The following SLX4IP variants were observed in gnomAD, a reference collection of about 807,000 sequenced individuals.
SLX4IP encodes SLX4 interacting protein.
SLX4IP carries 34 observed loss-of-function variants against 32.9 expected under a neutral mutation model. The ratio of observed to expected loss-of-function variants is 1.03; its 90% CI spans 0.79 to 1.38. SLX4IP has a LOEUF of 1.38. Among genes scored for constraint, SLX4IP ranks in the 40% most tolerant of loss-of-function variants. The pLI is 0.00. For synonymous variants in SLX4IP, 172 were observed against 171.7 expected (o/e 1.00, Z -0.01); for missense variants, 444 against 479.0 (o/e 0.93, Z 0.68).
intron 6 of SLX4IP, among the ~76,000 whole-genome samples, chr20:10,609,213 A>G (rs1046860643): frequency 6.6e-6 from 1 of 152,228 alleles, no homozygotes; most frequent in Non-Finnish European, 1.5e-5. Context: ...GTAGGAATCA[A>G]GAGACAGCAG....
chr20:10,539,986 C>T (rs921337950), intron 2 of SLX4IP, among the ~76,000 whole-genome samples: 16 of 152,182 alleles, frequency 1.1e-4, no homozygotes, highest in Non-Finnish European at 1.8e-4. Context: ...CTGTTAGTAA[C>T]GCACATTCTC....
intron 2 of SLX4IP, among the ~76,000 whole-genome samples, chr20:10,497,275 TA>T (rs945555016): frequency 6.6e-6 from 1 of 152,204 alleles, no homozygotes; most frequent in African/African-American, 2.4e-5. Flanking sequence ...GGTCAACAGA[TA>T]TTTTCTGTGA....
chr20:10,586,405 A>T (rs931797883), intron 4 of SLX4IP, among the ~76,000 whole-genome samples: 1 of 152,346 alleles, frequency 6.6e-6, no homozygotes, highest in African/African-American at 2.4e-5. Flanking sequence ...ATATGGTTCA[A>T]TAGAAAGTCC....
At chr20:10,597,449 C>T (rs1246665435) in intron 4 of SLX4IP, among the ~76,000 whole-genome samples, 1 of 152,224 alleles carries the variant, frequency 6.6e-6, no homozygotes, top group Non-Finnish European at 1.5e-5. Flanking sequence ...TAAGCTGGCA[C>T]TTTCTGTGAA....
At chr20:10,601,925 A>G (rs1013871952) in intron 6 of SLX4IP, 106 bp downstream of exon 6, 6 of 922,528 alleles carry the variant, frequency 6.5e-6, no homozygotes, top group African/African-American at 1.7e-5. Context: ...GCTGATGAGC[A>G]CCCAACGCAT....
At chr20:10,606,778 G>C (rs79432805) in intron 6 of SLX4IP, among the ~76,000 whole-genome samples, 6,601 of 152,106 alleles carry the variant, frequency 0.043, 184 homozygotes, top group South Asian at 0.11. Flanking sequence ...AATAAACTGA[G>C]GTCCGTGTGT....
At chr20:10,575,645 T>G (rs1770496696) in intron 4 of SLX4IP, among the ~76,000 whole-genome samples, 1 of 151,690 alleles carries the variant, frequency 6.6e-6, no homozygotes, top group Non-Finnish European at 1.5e-5. Context: ...TACCTTAGCA[T>G]GTACTGTTTG....
intron 4 of SLX4IP, among the ~76,000 whole-genome samples, chr20:10,589,820 GA>G (rs34374209): frequency 1 from 152,204 of 152,204 alleles, 76,102 homozygotes; most frequent in Non-Finnish European, 1. Context: ...ATCAAAAGTC[GA>G]AAGTGACAAA....
At chr20:10,466,087 T>C (rs1033043295) in intron 2 of SLX4IP, among the ~76,000 whole-genome samples, 1 of 152,152 alleles carries the variant, frequency 6.6e-6, no homozygotes, top group Admixed American at 6.5e-5. Flanking sequence ...TGAATGTTTA[T>C]CCATTAAAAC....
intron 2 of SLX4IP, among the ~76,000 whole-genome samples, chr20:10,488,351 G>A (rs751626718): frequency 1.3e-5 from 2 of 152,080 alleles, no homozygotes; most frequent in Non-Finnish European, 2.9e-5. Context: ...ACAAGCCAAG[G>A]AACACCTGAG....
At chr20:10,472,850 G>T (rs965647414) in intron 2 of SLX4IP, among the ~76,000 whole-genome samples, 1 of 152,140 alleles carries the variant, frequency 6.6e-6, no homozygotes, top group African/African-American at 2.4e-5. Flanking sequence ...AATAGTTAAA[G>T]ATATTCATTG....
At chr20:10,618,275 C>G (rs1350423363) in intron 6 of SLX4IP, among the ~76,000 whole-genome samples, 1 of 152,208 alleles carries the variant, frequency 6.6e-6, no homozygotes, top group African/African-American at 2.4e-5. Context: ...GCTTAGGTTG[C>G]TGAGGGAGGG....
intron 2 of SLX4IP, among the ~76,000 whole-genome samples, chr20:10,517,170 C>T (rs1005253951): frequency 6.6e-6 from 1 of 152,210 alleles, no homozygotes; most frequent in Non-Finnish European, 1.5e-5. Flanking sequence ...CTTACTGGTT[C>T]TTTGTTTCCA....
intron 2 of SLX4IP, among the ~76,000 whole-genome samples, chr20:10,503,164 G>A (rs1398157055): frequency 1.3e-5 from 2 of 152,148 alleles, no homozygotes; most frequent in East Asian, 1.9e-4. Flanking sequence ...TTCACTCTGG[G>A]TATGAATGGG....
At chr20:10,447,514 T>TTTAAG (rs1285702386) in intron 1 of SLX4IP, among the ~76,000 whole-genome samples, 1 of 152,172 alleles carries the variant, frequency 6.6e-6, no homozygotes, top group East Asian at 1.9e-4. Context: ...TTAAATGATA[T>TTTAAG]TTTAAGTTCT....
intron 2 of SLX4IP, among the ~76,000 whole-genome samples, chr20:10,527,929 A>G (rs930396605): frequency 1.3e-5 from 2 of 152,076 alleles, no homozygotes; most frequent in African/African-American, 4.8e-5. Context: ...GTGCAGAGGG[A>G]CAGCTGGTGC....
chr20:10,464,617 T>C (rs555656118), intron 2 of SLX4IP, among the ~76,000 whole-genome samples: 16 of 152,318 alleles, frequency 1.1e-4, no homozygotes, highest in Middle Eastern at 3.4e-3. Flanking sequence ...GGTTGAAAAG[T>C]ACTTGGTTAG....
intron 2 of SLX4IP, among the ~76,000 whole-genome samples, chr20:10,485,773 T>G (rs933884725): frequency 6.6e-6 from 1 of 152,212 alleles, no homozygotes; most frequent in African/African-American, 2.4e-5. Flanking sequence ...TATTATATAG[T>G]AAACTAGAGA....
intron 4 of SLX4IP, among the ~76,000 whole-genome samples, chr20:10,569,700 T>G (rs964090933): frequency 2.6e-5 from 4 of 152,184 alleles, no homozygotes; most frequent in African/African-American, 9.7e-5. Context: ...TGTCTCCTCT[T>G]ATCTAGAAGT....
Sources: gnomAD v4.1 joint callset for allele counts (sites outside exome capture counted in the v4.1 genomes callset) on GRCh38, gnomAD v4.1.1 for gene constraint, MANE v1.5 for transcripts, NCBI Gene and HGNC (gene_info 2026-07-23, HGNC 2026-07-21) for gene names.